PIGA: variants seen among roughly 807,000 people sequenced by gnomAD.
PIGA encodes phosphatidylinositol N-acetylglucosaminyltransferase subunit A.
Under a neutral mutation model 17.1 loss-of-function variants are expected in PIGA, and 3 were observed. That is an observed-to-expected ratio of 0.18 (90% CI 0.08 to 0.45). PIGA has a LOEUF of 0.45. Among genes scored for constraint, PIGA ranks in the 20% least tolerant of loss-of-function variants. PIGA has a pLI of 0.99. For missense variants in PIGA, 231 were observed against 374.1 expected, an observed-to-expected ratio of 0.62 and a Z score of 3.16; for synonymous variants, 126 against 135.1, an observed-to-expected ratio of 0.93 and a Z score of 0.47.
intron 2 of PIGA, chrX:15,327,036 G>T (rs1921994287): frequency 9.0e-6 from 1 of 111,506 alleles, no homozygotes; most frequent in Non-Finnish European, 1.9e-5. Context: ...AAGGCAGGCG[G>T]ATCACAAGGT....
In PIGA at chrX:15,324,655, T is replaced by A; in HGVS notation, c.1188+10A>T. On this transcript the variant is annotated intron_variant, in intron 5 of 5. Coordinates refer to ENST00000333590, the MANE Select transcript of PIGA (RefSeq NM_002641.4). ...GTTCAGACACAATCTTTTCTCAGCATGTGACATACCTTTTCAGTTCTTTCT... is the reference window on the plus strand; with the variant it reads ...GTTCAGACACAATCTTTTCTCAGCAAGTGACATACCTTTTCAGTTCTTTCT... The A allele has an allele frequency of 8.7e-7, 1 of 1,155,742 alleles. No individual in the cohort carries two copies. The highest frequency in any genetic ancestry group is 1.2e-6 in the Non-Finnish European group (1 of 845,188).
At chrX:15,322,294 T>C (rs935662789) in intron 5 of PIGA, among the ~76,000 whole-genome samples, 12 of 111,925 alleles carry the variant, frequency 1.1e-4, no homozygotes, top group Admixed American at 8.6e-4. Flanking sequence ...GAGCCTCCTC[T>C]TTCAACAGCC....
chrX:15,334,472 G>T (rs1209557703), intron 1 of PIGA, among the ~76,000 whole-genome samples: 2 of 110,915 alleles, frequency 1.8e-5, no homozygotes, highest in African/African-American at 3.3e-5. Context: ...TTACAGGTGT[G>T]AGCCACCGTG....
At chrX:15,324,909 C>T (rs757157320) in intron 4 of PIGA, 38 bp from the exon 5 acceptor site, 1 of 1,155,410 alleles carries the variant, frequency 8.7e-7, no homozygotes. Context: ...CCACCATAAT[C>T]ATACCTCAGG....
chrX:15,335,077 C>T (rs1299723614), intron 1 of PIGA, among the ~76,000 whole-genome samples: 2 of 112,076 alleles, frequency 1.8e-5, no homozygotes, highest in Non-Finnish European at 3.8e-5. Context: ...AATGGTACTT[C>T]CACCGACAAT....
chrX:15,320,847 T>C lies in PIGA; in HGVS notation c.*659A>G, dbSNP rs992870796. The C allele has an allele frequency of 1.7e-4, 19 of 111,326 alleles. No individual in the cohort carries two copies. The highest frequency in any genetic ancestry group is 6.2e-4 in the African/African-American group (19 of 30,584). 9.2% of individuals were successfully genotyped at this position (111,326 alleles called of 1,213,427 possible). A position where few individuals can be genotyped will look rare whatever the true frequency, so the allele number is the denominator to read the frequency against. On this transcript the variant is annotated 3_prime_UTR_variant, in exon 6 of 6. Transcript: ENST00000333590. ...GATCTCATATCAACCACAATTATGA[T>C]GAAGTAAGCCATTTGAATGGTAAAC...
chrX:15,332,099 C>T, intron 1 of PIGA, 107 bp from the exon 2 acceptor site: 1 of 506,731 alleles, frequency 2.0e-6, no homozygotes, highest in Non-Finnish European at 2.9e-6. Flanking sequence ...GTTAGCTTTC[C>T]CCAGAATTAA....
Position 15,321,425 on chromosome X carries a change from AC to A in PIGA, c.*80del. 2.2e-6 allele frequency: 2 copies of A among 889,046 alleles called. No individual in the cohort carries two copies. 73.3% of individuals were successfully genotyped at this position (889,046 alleles called of 1,213,427 possible). A position where few individuals can be genotyped will look rare whatever the true frequency, so the allele number is the denominator to read the frequency against. Reference sequence around the variant, plus strand: ...CTAAATTAACTCTAAAAAAACAAAAACCCCCCAAAAGCAAGGTTATTTTCCA... The same window carrying A: ...CTAAATTAACTCTAAAAAAACAAAAACCCCCAAAAGCAAGGTTATTTTCCA... On this transcript the variant is annotated 3_prime_UTR_variant, in exon 6 of 6. Coordinates refer to ENST00000333590, the MANE Select transcript of PIGA (RefSeq NM_002641.4).
rs73447250 is a variant in PIGA at position 15,332,270 on chromosome X, A to G, written c.-62-278T>C. Among the ~76,000 whole-genome samples the G allele has an allele frequency of 0.011, 1,286 of 112,393 alleles. 13 individuals carry two copies. The highest frequency in any genetic ancestry group is 0.039 in the African/African-American group (1,199 of 30,962). ...ACACCACAGCATATCATGGTTTACC[A>G]CGTTAACAAACCAGTCTCTTCCAAT... On this transcript the variant is annotated intron_variant, in intron 1 of 5. Coordinates refer to ENST00000333590, the MANE Select transcript of PIGA (RefSeq NM_002641.4).
chrX:15,322,377 AGAAGAT>A (rs1371392373), intron 5 of PIGA, among the ~76,000 whole-genome samples: 1 of 112,128 alleles, frequency 8.9e-6, no homozygotes, highest in East Asian at 2.8e-4. Flanking sequence ...TTCAAATAAA[AGAAGAT>A]AAAGAGATGG....
chrX:15,328,043 T>C (rs924817826), intron 2 of PIGA: 1 of 111,668 alleles, frequency 9.0e-6, no homozygotes, highest in African/African-American at 3.3e-5. Flanking sequence ...ACAATGAAAA[T>C]CTCTGATCCA....
At chrX:15,334,847 C>T (rs1021554901) in intron 1 of PIGA, among the ~76,000 whole-genome samples, 1 of 112,236 alleles carries the variant, frequency 8.9e-6, no homozygotes, top group South Asian at 3.7e-4. Flanking sequence ...GCTCTTAAAG[C>T]CGAAATGAGG....
rs1569177104 is a variant in PIGA at position 15,320,109 on chromosome X, AAT to A, written c.*1395_*1396del. On this transcript the variant is annotated 3_prime_UTR_variant, in exon 6 of 6. Transcript: ENST00000333590. ...TGCATTTTAGTACAAACAAAACACA[AAT>A]ATATTTCTTTTATATCAGTGCAACC... 1 of 112,781 alleles carries A rather than the reference AAT, an allele frequency of 8.9e-6. No individual in the cohort carries two copies. The highest frequency in any genetic ancestry group is 1.9e-5 in the Non-Finnish European group (1 of 53,333). The allele number at this position is 112,781 out of a possible 1,213,427, so 9.3% of individuals were successfully genotyped here. A position where few individuals can be genotyped will look rare whatever the true frequency, so the allele number is the denominator to read the frequency against.
intron 2 of PIGA, among the ~76,000 whole-genome samples, chrX:15,329,221 G>C (rs1922077107): frequency 8.9e-6 from 1 of 112,359 alleles, no homozygotes; most frequent in African/African-American, 3.2e-5. Context: ...AGTTGTACTT[G>C]TTATCGTCGT....
rs1180884375 is a variant in PIGA at position 15,320,832 on chromosome X, C to T, written c.*674G>A. On this transcript the variant is annotated 3_prime_UTR_variant, in exon 6 of 6. Transcript: ENST00000333590. ...GGCATGTTGGATATTGATCTCATAT[C>T]AACCACAATTATGATGAAGTAAGCC... The T allele has an allele frequency of 1.8e-5, 2 of 111,286 alleles. No homozygotes were observed. The highest frequency in any genetic ancestry group is 3.3e-5 in the African/African-American group (1 of 30,574). The allele number at this position is 111,286 out of a possible 1,213,427, so 9.2% of individuals were successfully genotyped here.
At chrX:15,334,593 T>C (rs750934671) in intron 1 of PIGA, among the ~76,000 whole-genome samples, 1 of 111,865 alleles carries the variant, frequency 8.9e-6, no homozygotes, top group South Asian at 3.7e-4. Flanking sequence ...TTCCCCAAGT[T>C]TGTACTTTTA....
intron 1 of PIGA, among the ~76,000 whole-genome samples, chrX:15,334,362 G>A (rs1922266223): frequency 9.1e-6 from 1 of 109,297 alleles, no homozygotes; most frequent in African/African-American, 3.3e-5. Context: ...GCTAATTTTT[G>A]TATTTTTAGT....
At chrX:15,326,458 GC>G (rs1196137204) in intron 2 of PIGA, 1 of 112,568 alleles carries the variant, frequency 8.9e-6, no homozygotes, top group African/African-American at 3.2e-5. Context: ...TAACCAGCAA[GC>G]CCATTGATCG....
At chrX:15,323,924 C>T (rs918877755) in intron 5 of PIGA, among the ~76,000 whole-genome samples, 1 of 111,898 alleles carries the variant, frequency 8.9e-6, no homozygotes, top group Non-Finnish European at 1.9e-5. Context: ...CAGCTTGTTA[C>T]ATGGTAATAA....
Sources: gnomAD v4.1 joint callset for allele counts (sites outside exome capture counted in the v4.1 genomes callset) on GRCh38, gnomAD v4.1.1 for gene constraint, MANE v1.5 for transcripts, NCBI Gene and HGNC (gene_info 2026-07-23, HGNC 2026-07-21) for gene names.